Variants in ATXN1 observed in about 807,000 individuals in gnomAD.
ATXN1 encodes the protein ataxin-1.
In ATXN1, 8 loss-of-function variants were observed where a neutral mutation model predicts 56.4. The ratio of observed to expected loss-of-function variants is 0.14; its 90% CI spans 0.08 to 0.26. ATXN1 has a LOEUF of 0.26. Ranked by LOEUF, ATXN1 falls within the 10% of genes least tolerant of loss-of-function variation. ATXN1 has a pLI of 1.00. For synonymous variants in ATXN1, 514 were observed against 494.6 expected (o/e 1.04, Z -0.52); for missense variants, 987 against 1,106.5 (o/e 0.89, Z 1.53).
intron 7 of ATXN1, among the ~76,000 whole-genome samples, chr6:16,308,519 G>C (rs962595245): frequency 6.6e-6 from 1 of 152,178 alleles, no homozygotes; most frequent in Admixed American, 6.5e-5. Context: ...ATAGGGAACA[G>C]GTAATGGAGT....
chr6:16,497,092 T>G (rs1355510737), intron 5 of ATXN1, among the ~76,000 whole-genome samples: 2 of 152,236 alleles, frequency 1.3e-5, no homozygotes, highest in South Asian at 4.1e-4. Context: ...ACAAAAATTC[T>G]ATTGCTAAAA....
intron 6 of ATXN1, among the ~76,000 whole-genome samples, chr6:16,359,748 G>A (rs1220836485): frequency 2.0e-5 from 3 of 152,010 alleles, no homozygotes; most frequent in Admixed American, 6.6e-5. Context: ...CTTTCTGGAC[G>A]CAGGACAAAA....
intron 6 of ATXN1, among the ~76,000 whole-genome samples, chr6:16,394,861 T>G (rs1002665336): frequency 2.6e-5 from 4 of 152,126 alleles, no homozygotes; most frequent in Admixed American, 2.6e-4. Context: ...GTCCTGAACT[T>G]GCTAATTCAT....
intron 2 of ATXN1, among the ~76,000 whole-genome samples, chr6:16,685,163 T>A (rs1561807660): frequency 6.6e-6 from 1 of 152,192 alleles, no homozygotes; most frequent in South Asian, 2.1e-4. Flanking sequence ...CTGTTAAGTG[T>A]ATTGTAAATT....
At chr6:16,389,503 G>A (rs1053640630) in intron 6 of ATXN1, among the ~76,000 whole-genome samples, 2 of 152,064 alleles carry the variant, frequency 1.3e-5, no homozygotes, top group Non-Finnish European at 2.9e-5. Flanking sequence ...CTTTTGCCTT[G>A]AGAGTCCTTA....
intron 5 of ATXN1, among the ~76,000 whole-genome samples, chr6:16,496,550 C>T (rs1760784538): frequency 6.6e-6 from 1 of 152,100 alleles, no homozygotes; most frequent in Non-Finnish European, 1.5e-5. Context: ...ACAGGTCACA[C>T]TGCATCATGA....
intron 2 of ATXN1, among the ~76,000 whole-genome samples, chr6:16,731,095 T>C (rs2043593435): frequency 6.6e-6 from 1 of 152,160 alleles, no homozygotes; most frequent in Admixed American, 6.5e-5. Context: ...AAAGACACTG[T>C]ATAACTGGCT....
chr6:16,435,668 C>T (rs746824464), intron 6 of ATXN1, among the ~76,000 whole-genome samples: 10 of 151,812 alleles, frequency 6.6e-5, no homozygotes, highest in African/African-American at 1.2e-4. Flanking sequence ...AGGGGTGGAC[C>T]GCAGGGGAAA....
chr6:16,443,897 A>G (rs1759575255), intron 6 of ATXN1, among the ~76,000 whole-genome samples: 1 of 152,146 alleles, frequency 6.6e-6, no homozygotes, highest in Admixed American at 6.5e-5. Flanking sequence ...AGGGCCGATC[A>G]CAAGGTCAGG....
chr6:16,716,777 C>T (rs1759650196), intron 2 of ATXN1, among the ~76,000 whole-genome samples: 1 of 152,190 alleles, frequency 6.6e-6, no homozygotes, highest in African/African-American at 2.4e-5. Flanking sequence ...TAGCTATGTG[C>T]TAATAAAACT....
intron 6 of ATXN1, among the ~76,000 whole-genome samples, chr6:16,363,893 G>A (rs1761863828): frequency 6.6e-6 from 1 of 152,214 alleles, no homozygotes; most frequent in Non-Finnish European, 1.5e-5. Flanking sequence ...ATGCCACTAG[G>A]TGAAATCTTT....
intron 6 of ATXN1, among the ~76,000 whole-genome samples, chr6:16,430,743 A>G (rs1320984522): frequency 5.7e-5 from 8 of 139,428 alleles, no homozygotes; most frequent in African/African-American, 1.3e-4. Context: ...GTGTGTGTGT[A>G]TGTGTGTGTA....
At chr6:16,618,895 C>A (rs1357717390) in intron 3 of ATXN1, among the ~76,000 whole-genome samples, 3 of 151,778 alleles carry the variant, frequency 2.0e-5, no homozygotes, top group African/African-American at 4.8e-5. Context: ...TACCATTAAA[C>A]AAAGAGTTAA....
At chr6:16,709,956 C>T (rs1174831448) in intron 2 of ATXN1, among the ~76,000 whole-genome samples, 1 of 152,138 alleles carries the variant, frequency 6.6e-6, no homozygotes, top group Non-Finnish European at 1.5e-5. Flanking sequence ...AACCATATGA[C>T]ATCTCAACAG....
chr6:16,549,562 A>T lies in ATXN1; in HGVS notation c.-360-26874T>A, dbSNP rs534820295. On this transcript the variant is annotated intron_variant, in intron 4 of 7. Transcript: ENST00000436367. ...TGTTGTCCCACAGAGGATACCACCGATGCCCCAGGTTGTCCACTACTGCTT... is the reference window on the plus strand; with the variant it reads ...TGTTGTCCCACAGAGGATACCACCGTTGCCCCAGGTTGTCCACTACTGCTT... Among the ~76,000 whole-genome samples, 14 of 152,308 alleles carry T rather than the reference A, an allele frequency of 9.2e-5. No homozygotes were observed. The South Asian group carries it at 2.9e-3, about 32-fold the overall frequency.
At chr6:16,722,742 T>C (rs1386944858) in intron 2 of ATXN1, among the ~76,000 whole-genome samples, 2 of 152,216 alleles carry the variant, frequency 1.3e-5, no homozygotes, top group Non-Finnish European at 2.9e-5. Context: ...CTATTAATAT[T>C]TCCTGTAATA....
chr6:16,640,059 A>G (rs72825578), intron 3 of ATXN1, among the ~76,000 whole-genome samples: 29,663 of 151,978 alleles, frequency 0.2, 3,408 homozygotes, highest in East Asian at 0.48. Context: ...CTTTGCAGAT[A>G]CTGCATTTTT....
At chr6:16,391,252 A>AT (rs370637495) in intron 6 of ATXN1, among the ~76,000 whole-genome samples, 9,489 of 150,044 alleles carry the variant, frequency 0.063, 318 homozygotes, top group African/African-American at 0.086. Flanking sequence ...ATAGATTACT[A>AT]TTTTTTTTTA....
At chr6:16,312,853 T>TA (rs1760429517) in intron 7 of ATXN1, among the ~76,000 whole-genome samples, 1 of 151,982 alleles carries the variant, frequency 6.6e-6, no homozygotes, top group African/African-American at 2.4e-5. Context: ...CCAACCAGCC[T>TA]AAAAAATTGG....
Sources: allele counts gnomAD v4.1 joint callset (sites outside exome capture counted in the v4.1 genomes callset), GRCh38; gene constraint gnomAD v4.1.1; transcripts MANE v1.5; gene names NCBI Gene and HGNC (gene_info 2026-07-23, HGNC 2026-07-21).